DNAJC13: variants seen among roughly 807,000 people sequenced by gnomAD.
DNAJC13 encodes the protein dnaJ homolog subfamily C member 13.
DNAJC13 carries 75 observed loss-of-function variants against 290.5 expected under a neutral mutation model. The observed-to-expected ratio is 0.26, with a 90% CI of 0.21 to 0.31. The LOEUF (loss-of-function observed/expected upper bound fraction) is 0.31, where lower values mean the gene tolerates loss of function less well. Among genes scored for constraint, DNAJC13 ranks in the 10% least tolerant of loss-of-function variants. The pLI is 1.00. For missense variants in DNAJC13, 2,260 were observed against 2,674.5 expected (o/e 0.85, Z 3.42); for synonymous variants, 862 against 892.0 (o/e 0.97, Z 0.60).
At chr3:132,490,521 C>T (rs1935029484) in intron 31 of DNAJC13, among the ~76,000 whole-genome samples, 1 of 152,154 alleles carries the variant, frequency 6.6e-6, no homozygotes, top group Admixed American at 6.5e-5. Flanking sequence ...ACAGGTGGGA[C>T]CTACAGCCAA....
At chr3:132,534,275 T>A (rs1936521752) in intron 55 of DNAJC13, among the ~76,000 whole-genome samples, 1 of 152,212 alleles carries the variant, frequency 6.6e-6, no homozygotes, top group Non-Finnish European at 1.5e-5. Context: ...ATTGTGAAAT[T>A]CTGAGCATGT....
At chr3:132,430,168 G>A (rs1426446204) in intron 1 of DNAJC13, among the ~76,000 whole-genome samples, 2 of 152,132 alleles carry the variant, frequency 1.3e-5, no homozygotes, top group African/African-American at 4.8e-5. Flanking sequence ...CTGGAGTCTG[G>A]TGCTTTCATC....
At chr3:132,425,859 A>T (rs531292201) in intron 1 of DNAJC13, among the ~76,000 whole-genome samples, 9 of 152,012 alleles carry the variant, frequency 5.9e-5, no homozygotes, top group African/African-American at 1.7e-4. Flanking sequence ...TGTGTGTGTA[A>T]ATTTTTTTGC....
chr3:132,523,042 C>A, intron 49 of DNAJC13, 45 bp downstream of exon 49: 1 of 1,600,426 alleles, frequency 6.2e-7, no homozygotes, highest in Non-Finnish European at 8.5e-7. Flanking sequence ...TAAATAAAAT[C>A]ACTGGGAAGG....
At position 132,472,434 on chromosome 3, in the gene DNAJC13, C is replaced by T. The variant is rs1934312787; in HGVS notation, c.2209-711C>T. 4 of 440,262 alleles carry T rather than the reference C, an allele frequency of 9.1e-6. No homozygotes were observed. In the South Asian group the frequency reaches 3.9e-4, roughly 42 times the overall value. The allele number at this position is 440,262 out of a possible 1,614,324, so 27.3% of individuals were successfully genotyped here. On this transcript the variant is annotated intron_variant, in intron 20 of 55. Coordinates refer to ENST00000260818, the MANE Select transcript of DNAJC13 (RefSeq NM_015268.4). ...TCACAGGCTTAGAGAAGCAGGTGCA[C>T]CTATTTTAGTCTTAAAGTAAAGATA...
intron 13 of DNAJC13, among the ~76,000 whole-genome samples, chr3:132,458,803 T>C (rs1933701097): frequency 1.3e-5 from 2 of 152,298 alleles, no homozygotes. Flanking sequence ...AGCTTTCTTA[T>C]TCCTGAAGGT....
In DNAJC13 at chr3:132,456,216, T is replaced by A. The variant is rs774845432; in HGVS notation, c.933-19T>A. 6.2e-7 allele frequency: 1 copy of A among 1,605,980 alleles called. No homozygotes were observed. On this transcript the variant is annotated intron_variant, in intron 9 of 55. Transcript: ENST00000260818. ...AATCATCAATGCTAAAACCTTTTTT[T>A]ACTTTTAATCTTACTTAGAGATTCC...
intron 6 of DNAJC13, among the ~76,000 whole-genome samples, chr3:132,451,480 AG>A (rs1229976539): frequency 6.6e-6 from 1 of 152,166 alleles, no homozygotes; most frequent in Non-Finnish European, 1.5e-5. Flanking sequence ...GGGGTATAAC[AG>A]AAGCTACTTA....
chr3:132,427,075 ATGTGTGTGTGTG>A lies in DNAJC13; in HGVS notation c.-13-7446_-13-7435del, dbSNP rs10576541. Among the ~76,000 whole-genome samples the A allele has an allele frequency of 4.1e-3, 582 of 140,802 alleles. 7 individuals are homozygous for A. Among genetic ancestry groups the A allele is most frequent in the African/African-American group, 0.014 (537 of 37,342 alleles). 92.4% of individuals were successfully genotyped at this position (140,802 alleles called of 152,430 possible). A position where few individuals can be genotyped will look rare whatever the true frequency, so the allele number is the denominator to read the frequency against. On this transcript the variant is annotated intron_variant, in intron 1 of 55. Coordinates refer to ENST00000260818, the MANE Select transcript of DNAJC13 (RefSeq NM_015268.4). The stretch of plus-strand genomic sequence containing the variant: ...ATTATCTTGGTGTTTATATATACAT[ATGTGTGTGTGTG>A]TGTGTGTGTGTGTGTGCACGTGTGT...
intron 41 of DNAJC13, among the ~76,000 whole-genome samples, chr3:132,504,920 A>G (rs1384167520): frequency 3.3e-5 from 5 of 152,206 alleles, no homozygotes; most frequent in Non-Finnish European, 7.3e-5. Context: ...AAATACATGT[A>G]CATAAAGGTA....
intron 55 of DNAJC13, among the ~76,000 whole-genome samples, chr3:132,535,333 C>T (rs1936557334): frequency 6.6e-6 from 1 of 152,160 alleles, no homozygotes; most frequent in Non-Finnish European, 1.5e-5. Flanking sequence ...TTAAATGAGA[C>T]TGCCTATTTC....
chr3:132,503,376 A>G lies in DNAJC13; in HGVS notation c.4879A>G (p.Thr1627Ala). Residue 1627 changes from threonine (T) to alanine (A), a missense_variant, in exon 41 of 56, where the codon ACT (threonine) becomes GCT (alanine). Thr to Ala is a moderately conservative substitution (Grantham distance 58). Transcript: ENST00000260818. ...TAGAAAACTTGCTGTGGCTAGTGTG[A>G]CTGAGGTATGTGCTTCACAGGTAGC... ...VARKLAVASV[T>A]EILKMLNSNT... 1 of 1,614,012 alleles carries G rather than the reference A, an allele frequency of 6.2e-7. No individual in the cohort carries two copies. The highest frequency in any genetic ancestry group is 8.5e-7 in the Non-Finnish European group (1 of 1,179,898).
intron 32 of DNAJC13, 119 bp downstream of exon 32, chr3:132,491,170 T>A: frequency 1.2e-6 from 1 of 843,144 alleles, no homozygotes. Flanking sequence ...AAAATGACAG[T>A]AATCATTGAT....
chr3:132,447,672 A>C (rs533415521), intron 4 of DNAJC13, among the ~76,000 whole-genome samples: 1 of 152,174 alleles, frequency 6.6e-6, no homozygotes, highest in East Asian at 1.9e-4. Context: ...CAAGTTTATT[A>C]GTTTTTTTTA....
At chr3:132,535,231 C>G (rs951777399) in intron 55 of DNAJC13, among the ~76,000 whole-genome samples, 1 of 152,332 alleles carries the variant, frequency 6.6e-6, no homozygotes, top group South Asian at 2.1e-4. Flanking sequence ...TTTCTTCTCT[C>G]TGGCTGCTGA....
chr3:132,529,578 G>A (rs538004556), intron 54 of DNAJC13, among the ~76,000 whole-genome samples: 1 of 152,116 alleles, frequency 6.6e-6, no homozygotes, highest in Non-Finnish European at 1.5e-5. Context: ...ACGAGGTCAG[G>A]AGATCAAGAC....
At chr3:132,496,768 A>G in intron 36 of DNAJC13, 105 bp downstream of exon 36, 1 of 1,047,578 alleles carries the variant, frequency 9.5e-7, no homozygotes, top group Non-Finnish European at 1.3e-6. Flanking sequence ...TAGATTTAGA[A>G]TTATTGTTTA....
chr3:132,525,916 ATGGTATTTTATT>A, intron 52 of DNAJC13, 127 bp downstream of exon 52: 1 of 1,227,636 alleles, frequency 8.1e-7, no homozygotes, highest in Non-Finnish European at 1.1e-6. Context: ...TACGAACCAC[ATGGTATTTTATT>A]AGTTCTGGGT....
chr3:132,452,382 T>G (rs898255992), intron 6 of DNAJC13, among the ~76,000 whole-genome samples: 2 of 152,154 alleles, frequency 1.3e-5, no homozygotes, highest in African/African-American at 4.8e-5. Flanking sequence ...GCATCTATGG[T>G]GACTATAAAA....
Sources: allele counts gnomAD v4.1 joint callset (sites outside exome capture counted in the v4.1 genomes callset), GRCh38; gene constraint gnomAD v4.1.1; transcripts MANE v1.5; gene names NCBI Gene and HGNC (gene_info 2026-07-23, HGNC 2026-07-21).